Variants in SEMA3A observed in about 807,000 individuals in gnomAD.
The protein encoded by SEMA3A is semaphorin-3A.
A neutral mutation model predicts 97.9 loss-of-function variants in SEMA3A; 29 were observed. The ratio of observed to expected loss-of-function variants is 0.30; its 90% confidence interval spans 0.22 to 0.40. The LOEUF is 0.40. Among genes scored for constraint, SEMA3A ranks in the 10% least tolerant of loss-of-function variants. The pLI is 1.00. For synonymous variants in SEMA3A, 321 were observed against 323.7 expected (o/e 0.99, Z 0.09); for missense variants, 763 against 951.3 (o/e 0.80, Z 2.60).
In SEMA3A at chr7:84,256,906, A is replaced by C. The variant is rs1799730403; in HGVS notation, c.-83+50301T>G. 2.6e-5 allele frequency among the ~76,000 whole-genome samples: 4 copies of C among 152,214 alleles called. No individual in the cohort carries two copies. In the South Asian group the frequency reaches 8.3e-4, roughly 32 times the overall value. On this transcript the variant is annotated intron_variant, in intron 3 of 3. Transcript: ENST00000424555. ...TGAATTTTCTCTTCACTGGTGAAGC[A>C]ATAATGGATGCTGGAGAAACCAGAA...
chr7:84,357,562 T>G (rs1554369667), intron 2 of SEMA3A, among the ~76,000 whole-genome samples: 1 of 152,128 alleles, frequency 6.6e-6, no homozygotes, highest in Admixed American at 6.6e-5. Flanking sequence ...TGGTCCCAAG[T>G]GTTTGCTATT....
chr7:84,468,228 A>T (rs908496021), intron 1 of SEMA3A, among the ~76,000 whole-genome samples: 3 of 152,172 alleles, frequency 2.0e-5, no homozygotes, highest in African/African-American at 7.2e-5. Flanking sequence ...TGCATTTCTT[A>T]CTTGTGCAAA....
intron 1 of SEMA3A, among the ~76,000 whole-genome samples, chr7:84,427,900 A>G (rs1369591091): frequency 1.3e-5 from 2 of 152,064 alleles, no homozygotes. Flanking sequence ...TTCCCATTGT[A>G]TAATAAGTCT....
intron 1 of SEMA3A, among the ~76,000 whole-genome samples, chr7:84,467,525 TAAAAAAAAA>T (rs56021863): frequency 3.1e-5 from 3 of 97,426 alleles, no homozygotes; most frequent in Non-Finnish European, 4.0e-5. Flanking sequence ...AGACTCCTTC[TAAAAAAAAA>T]AAAAAAAAAA....
intron 1 of SEMA3A, among the ~76,000 whole-genome samples, chr7:84,425,065 T>TTATAAATATAATTTATATTTATATTTTTA (rs1804757708): frequency 9.4e-6 from 1 of 106,292 alleles, no homozygotes; most frequent in East Asian, 3.0e-4. Context: ...TAATTATAAT[T>TTATAAATATAATTTATATTTATATTTTTA]TATAAATATA....
At chr7:84,324,950 G>A (rs6467990) in intron 2 of SEMA3A, among the ~76,000 whole-genome samples, 104,929 of 151,988 alleles carry the variant, frequency 0.69, 36,359 homozygotes, top group East Asian at 0.83. Flanking sequence ...CACTCCATCC[G>A]TCAAAGACCT....
At chr7:84,230,594 T>C (rs1799095803) in intron 3 of SEMA3A, among the ~76,000 whole-genome samples, 1 of 151,984 alleles carries the variant, frequency 6.6e-6, no homozygotes, top group Non-Finnish European at 1.5e-5. Context: ...AGGTTTTATT[T>C]TGTTGTTAAC....
chr7:83,995,113 G>A (rs1274059842), intron 12 of SEMA3A, among the ~76,000 whole-genome samples: 2 of 152,106 alleles, frequency 1.3e-5, no homozygotes, highest in African/African-American at 2.4e-5. Flanking sequence ...CTTTGACTCG[G>A]AAAAGGAACT....
chr7:84,220,834 A>G (rs1798861355), intron 3 of SEMA3A, among the ~76,000 whole-genome samples: 6 of 152,180 alleles, frequency 3.9e-5, no homozygotes, highest in Admixed American at 3.9e-4. Flanking sequence ...GAGTAGATTT[A>G]GCATGATTCT....
At chr7:84,020,744 TTTC>T (rs1169573814) in intron 6 of SEMA3A, among the ~76,000 whole-genome samples, 1 of 152,186 alleles carries the variant, frequency 6.6e-6, no homozygotes, top group Non-Finnish European at 1.5e-5. Context: ...TTCATTTTGT[TTTC>T]TTGTTTTATA....
At chr7:84,039,144 G>A (rs1792043326) in intron 6 of SEMA3A, among the ~76,000 whole-genome samples, 1 of 152,064 alleles carries the variant, frequency 6.6e-6, no homozygotes, top group Admixed American at 6.6e-5. Context: ...CAGTTAACAT[G>A]AGCATTTACT....
chr7:84,245,769 T>C (rs559224986), intron 3 of SEMA3A, among the ~76,000 whole-genome samples: 2 of 152,018 alleles, frequency 1.3e-5, no homozygotes, highest in African/African-American at 4.8e-5. Context: ...GCTGGAGTTC[T>C]ACCATATGAG....
At chr7:84,019,261 G>C (rs539974067) in intron 6 of SEMA3A, among the ~76,000 whole-genome samples, 5 of 152,102 alleles carry the variant, frequency 3.3e-5, no homozygotes, top group African/African-American at 1.2e-4. Context: ...TGTTTAGTGC[G>C]TCTTTAGAGA....
chr7:84,105,152 C>A (rs3801627), intron 4 of SEMA3A, among the ~76,000 whole-genome samples: 1 of 152,140 alleles, frequency 6.6e-6, no homozygotes, highest in Non-Finnish European at 1.5e-5. Context: ...AAAAGCAACT[C>A]CTTATTGTTT....
intron 4 of SEMA3A, among the ~76,000 whole-genome samples, chr7:84,078,028 A>G (rs1184504356): frequency 6.6e-6 from 1 of 152,112 alleles, no homozygotes; most frequent in Admixed American, 6.5e-5. Flanking sequence ...ATATTGTGAC[A>G]ACTATTTAAG....
chr7:83,994,788 C>T (rs1375823653), intron 12 of SEMA3A, among the ~76,000 whole-genome samples: 1 of 151,820 alleles, frequency 6.6e-6, no homozygotes, highest in Non-Finnish European at 1.5e-5. Flanking sequence ...TGCCCTGCCC[C>T]CAGAGGTGGA....
At chr7:84,389,333 C>G (rs1015009599) in intron 1 of SEMA3A, among the ~76,000 whole-genome samples, 3 of 152,072 alleles carry the variant, frequency 2.0e-5, no homozygotes, top group African/African-American at 7.2e-5. Context: ...TCTGATTTCT[C>G]TATCAACTAT....
At chr7:84,429,342 T>C (rs1804907969) in intron 1 of SEMA3A, among the ~76,000 whole-genome samples, 1 of 151,284 alleles carries the variant, frequency 6.6e-6, no homozygotes, top group African/African-American at 2.4e-5. Flanking sequence ...AACAACAGTT[T>C]TGTTCGTTTG....
rs769031602 is a variant in SEMA3A at position 84,046,325 on chromosome 7, A to T, written c.666T>A (p.Asn222Lys). The T allele has an allele frequency of 6.2e-6, 10 of 1,612,702 alleles. No individual in the cohort carries two copies. The highest frequency in any genetic ancestry group is 8.5e-6 in the Non-Finnish European group (10 of 1,179,178). ...RTEQHDSRWL[N>K]DPKFISAHLI... Reference sequence around the variant, plus strand: ...TATGTTCTTTCATAAACCACCTACCATTGAGCCACCTGGAATCATGCTGCT... The same window carrying T: ...TATGTTCTTTCATAAACCACCTACCTTTGAGCCACCTGGAATCATGCTGCT... The change falls in exon 6 of 17, where the codon AAT becomes AAA. Residue 222 changes from asparagine (N) to lysine (K), a missense_variant and splice_region_variant. By Grantham distance (94) the Asn-to-Lys change is moderately conservative. This residue lies in a region of SEMA3A where 678 missense variants were observed against 881.3 expected (regional missense o/e 0.77). Transcript: ENST00000265362.
Sources: allele counts gnomAD v4.1 joint callset (sites outside exome capture counted in the v4.1 genomes callset), GRCh38; gene constraint gnomAD v4.1.1; regional missense constraint gnomAD v4.1.1; transcripts MANE v1.5; gene names NCBI Gene and HGNC (gene_info 2026-07-23, HGNC 2026-07-21).